RBMS1: variants seen among roughly 807,000 people sequenced by gnomAD.
The protein encoded by RBMS1 is RNA binding motif single stranded interacting protein 1.
A neutral mutation model predicts 62.3 loss-of-function variants in RBMS1; 17 were observed. That is an observed-to-expected ratio of 0.27 (90% CI 0.19 to 0.41). The LOEUF is 0.41. Ranked by LOEUF, RBMS1 falls within the 10% of genes least tolerant of loss-of-function variation. RBMS1 has a pLI of 1.00. For synonymous variants in RBMS1, 172 were observed against 170.0 expected (o/e 1.01, Z -0.09); for missense variants, 334 against 504.5 (o/e 0.66, Z 3.24).
At chr2:160,281,667 G>C (rs1314673763) in intron 9 of RBMS1, 1 of 270,374 alleles carries the variant, frequency 3.7e-6, no homozygotes, top group Non-Finnish European at 7.0e-6. Context: ...TACTATCTAT[G>C]CAAGGGAGAT....
At chr2:160,401,090 T>A (rs944241061) in intron 1 of RBMS1, among the ~76,000 whole-genome samples, 1 of 152,176 alleles carries the variant, frequency 6.6e-6, no homozygotes, top group African/African-American at 2.4e-5. Context: ...TAAAGGATCA[T>A]AAAAAACAGT....
At chr2:160,311,236 A>ATATCTATATATCTATATC (rs1303110202) in intron 4 of RBMS1, among the ~76,000 whole-genome samples, 5 of 60,720 alleles carry the variant, frequency 8.2e-5, no homozygotes, top group African/African-American at 3.0e-4. Context: ...ATCTATCTAT[A>ATATCTATATATCTATATC]TATATATATA....
intron 1 of RBMS1, among the ~76,000 whole-genome samples, chr2:160,404,904 A>G (rs902737540): frequency 2.6e-5 from 4 of 152,188 alleles, no homozygotes; most frequent in Admixed American, 2.0e-4. Flanking sequence ...ATGGGTTGCT[A>G]TTGAGCAGTA....
At chr2:160,493,137 T>C in intron 1 of RBMS1, 152 bp downstream of exon 1, 1 of 733,426 alleles carries the variant, frequency 1.4e-6, no homozygotes, top group Non-Finnish European at 2.1e-6. Context: ...GCCGCCCGGC[T>C]CTGCCCAGGC....
At chr2:160,384,363 T>C (rs1379113797) in intron 1 of RBMS1, among the ~76,000 whole-genome samples, 1 of 152,220 alleles carries the variant, frequency 6.6e-6, no homozygotes, top group Admixed American at 6.5e-5. Context: ...TCCCAATTTA[T>C]TTCTAAAACA....
chr2:160,370,302 G>A (rs563799138), intron 1 of RBMS1, among the ~76,000 whole-genome samples: 3 of 152,284 alleles, frequency 2.0e-5, no homozygotes, highest in African/African-American at 7.2e-5. Flanking sequence ...TAATTTTCTG[G>A]TGCAGAAATT....
intron 1 of RBMS1, among the ~76,000 whole-genome samples, chr2:160,479,457 G>C (rs1027929539): frequency 1.3e-5 from 2 of 152,252 alleles, no homozygotes; most frequent in African/African-American, 4.8e-5. Context: ...CTCAGACAGA[G>C]TGACCATTAC....
intron 1 of RBMS1, among the ~76,000 whole-genome samples, chr2:160,403,434 A>G (rs1343888705): frequency 6.6e-6 from 1 of 152,242 alleles, no homozygotes; most frequent in Admixed American, 6.5e-5. Context: ...TGCTGTGAAC[A>G]GAAACTGCCT....
At chr2:160,480,239 A>G (rs1239693354) in intron 1 of RBMS1, among the ~76,000 whole-genome samples, 2 of 152,224 alleles carry the variant, frequency 1.3e-5, no homozygotes, top group African/African-American at 2.4e-5. Flanking sequence ...AACATCAAAT[A>G]AACAAAGCCA....
intron 4 of RBMS1, among the ~76,000 whole-genome samples, chr2:160,312,187 A>G (rs553551304): frequency 2.6e-4 from 40 of 152,208 alleles, no homozygotes; most frequent in Admixed American, 1.2e-3. Context: ...AACTTTTTCA[A>G]GGCCATCAAG....
At chr2:160,448,626 C>T (rs910773596) in intron 1 of RBMS1, among the ~76,000 whole-genome samples, 8 of 152,214 alleles carry the variant, frequency 5.3e-5, no homozygotes, top group Non-Finnish European at 8.8e-5. Context: ...AGTGCAGTGG[C>T]GTGATCTCGG....
At chr2:160,478,255 GTTA>G (rs1399911415) in intron 1 of RBMS1, among the ~76,000 whole-genome samples, 17 of 152,324 alleles carry the variant, frequency 1.1e-4, no homozygotes, top group African/African-American at 4.1e-4. Flanking sequence ...GAATTCACCA[GTTA>G]TGGTCACACA....
At chr2:160,329,105 C>T (rs1691112740) in intron 2 of RBMS1, among the ~76,000 whole-genome samples, 1 of 152,164 alleles carries the variant, frequency 6.6e-6, no homozygotes, top group Non-Finnish European at 1.5e-5. Context: ...AAACACTCCA[C>T]CAGCATATTG....
intron 1 of RBMS1, among the ~76,000 whole-genome samples, chr2:160,378,784 T>C (rs58483013): frequency 0.098 from 14,981 of 152,192 alleles, 1,016 homozygotes; most frequent in East Asian, 0.26. Flanking sequence ...TCAAAACAAG[T>C]TACTTCATAC....
At chr2:160,324,177 T>C (rs1690749715) in intron 2 of RBMS1, among the ~76,000 whole-genome samples, 1 of 152,234 alleles carries the variant, frequency 6.6e-6, no homozygotes, top group Non-Finnish European at 1.5e-5. Flanking sequence ...GATATGATTA[T>C]TGGTGCATAT....
At chr2:160,421,137 CTTTT>C (rs966086609) in intron 1 of RBMS1, among the ~76,000 whole-genome samples, 3 of 151,508 alleles carry the variant, frequency 2.0e-5, no homozygotes, top group Non-Finnish European at 4.4e-5. Context: ...CTAACTTATT[CTTTT>C]TTCTTTTTTT....
Position 160,491,811 on chromosome 2 carries a change from T to G in RBMS1, c.75+1478A>C, listed in dbSNP as rs182281830. ...AGCTACCATGTAGCTCACAGAAAAC[T>G]AGCATCTCCTGCAAGTTCCTAAAAC... On this transcript the variant is annotated intron_variant, in intron 1 of 13. Coordinates refer to ENST00000348849, the MANE Select transcript of RBMS1 (RefSeq NM_016836.4). 1.6e-4 allele frequency among the ~76,000 whole-genome samples: 24 copies of G among 152,290 alleles called. No homozygotes were observed. The East Asian group carries it at 2.1e-3, about 13-fold the overall frequency.
At chr2:160,435,133 GA>G (rs1007591182) in intron 1 of RBMS1, among the ~76,000 whole-genome samples, 1 of 152,192 alleles carries the variant, frequency 6.6e-6, no homozygotes, top group African/African-American at 2.4e-5. Context: ...ACTTTCTATG[GA>G]AAGAGTGGGG....
chr2:160,307,638 A>G (rs992050573), intron 4 of RBMS1, among the ~76,000 whole-genome samples: 46 of 152,268 alleles, frequency 3.0e-4, no homozygotes, highest in Non-Finnish European at 4.4e-5. Context: ...GCCCAAGGCC[A>G]TTAGGTTAAG....
Sources: gnomAD v4.1 joint callset for allele counts (sites outside exome capture counted in the v4.1 genomes callset) on GRCh38, gnomAD v4.1.1 for gene constraint, MANE v1.5 for transcripts, NCBI Gene and HGNC (gene_info 2026-07-23, HGNC 2026-07-21) for gene names.